Variants in PGBD2 observed in about 807,000 individuals in gnomAD.
The protein encoded by PGBD2 is piggyBac transposable element-derived protein 2.
A neutral mutation model predicts 8.1 loss-of-function variants in PGBD2; 6 were observed. The ratio of observed to expected loss-of-function variants is 0.74; its 90% CI spans 0.40 to 1.46. PGBD2 has a LOEUF of 1.46. Ranked by LOEUF, PGBD2 falls within the 40% of genes most tolerant of loss-of-function variation. The pLI is 0.02. For missense variants in PGBD2, 802 were observed against 739.0 expected (o/e 1.09, Z -0.99); for synonymous variants, 318 against 272.2 (o/e 1.17, Z -1.66).
At chr1:248,873,564 C>G in the PGBD2 span, among the ~76,000 whole-genome samples, 1 of 152,214 alleles carries the variant, frequency 6.6e-6, no homozygotes, top group Non-Finnish European at 1.5e-5. Flanking sequence ...GAGGCGGTAG[C>G]TCGAGCTTTG....
At chr1:248,873,845 G>A in the PGBD2 span, among the ~76,000 whole-genome samples, 20 of 152,226 alleles carry the variant, frequency 1.3e-4, no homozygotes, top group Admixed American at 2.0e-4. Context: ...GAAGCGCTCT[G>A]CTTCCGAGTG....
chr1:248,922,223 C>T (rs1662300340), downstream of PGBD2, among the ~76,000 whole-genome samples: 1 of 152,024 alleles, frequency 6.6e-6, no homozygotes, highest in Admixed American at 6.6e-5. Context: ...CCATGCCCAG[C>T]TAGTTTTTTG....
In PGBD2 at chr1:248,917,887, AGTC is replaced by A; in HGVS notation, c.1307_1309del (p.Arg436del). On this transcript the variant is annotated inframe_deletion, in exon 3 of 3. Coordinates refer to ENST00000329291, the MANE Select transcript of PGBD2 (RefSeq NM_170725.3). ...GGGCATAGAGCCAGTGAGGCTGACCAGTCGTCACTCTGGAGCAGCTAAAACGCG... is the reference window on the plus strand; with the variant it reads ...GGGCATAGAGCCAGTGAGGCTGACCAGTCACTCTGGAGCAGCTAAAACGCG... The A allele has an allele frequency of 6.2e-7, 1 of 1,614,250 alleles. No individual in the cohort carries two copies. Among genetic ancestry groups the A allele is most frequent in the Non-Finnish European group, 8.5e-7 (1 of 1,180,032 alleles).
the PGBD2 span, among the ~76,000 whole-genome samples, chr1:248,889,180 T>A: frequency 2.6e-5 from 4 of 151,824 alleles, no homozygotes; most frequent in African/African-American, 4.8e-5. Context: ...AGGTCAGGAG[T>A]TCGAGACCAG....
At chr1:248,903,531 C>T (rs1661568754), upstream of PGBD2, among the ~76,000 whole-genome samples, 1 of 152,194 alleles carries the variant, frequency 6.6e-6, no homozygotes, top group African/African-American at 2.4e-5. Context: ...CTTAATCATA[C>T]ATAGTGCGTC....
chr1:248,873,775 C>G, the PGBD2 span, among the ~76,000 whole-genome samples: 1 of 152,176 alleles, frequency 6.6e-6, no homozygotes, highest in African/African-American at 2.4e-5. Context: ...TTCCCACGGC[C>G]GCAACTCGGG....
Position 248,916,588 on chromosome 1 carries a change from T to G in PGBD2, c.18-14T>G. The G allele has an allele frequency of 6.2e-7, 1 of 1,611,168 alleles. No individual in the cohort carries two copies. The highest frequency in any genetic ancestry group is 1.7e-4 in the Middle Eastern group (1 of 6,054). ...GGCATGGCCTCTTCCTGATTCTGTT[T>G]CCTGTCATAACAGAGATGTCATTGC... On this transcript the variant is annotated splice_polypyrimidine_tract_variant and intron_variant, in intron 2 of 2. Transcript: ENST00000329291.
At chr1:248,883,577 T>TTTTTTTTC in the PGBD2 span, among the ~76,000 whole-genome samples, 5 of 140,376 alleles carry the variant, frequency 3.6e-5, no homozygotes, top group Admixed American at 1.4e-4. Context: ...TAGTTTCTTT[T>TTTTTTTTC]TTTTTTCTTT....
At chr1:248,888,723 G>A in the PGBD2 span, among the ~76,000 whole-genome samples, 1 of 152,078 alleles carries the variant, frequency 6.6e-6, no homozygotes, top group Non-Finnish European at 1.5e-5. Context: ...CTTTTTCTGT[G>A]CAGAAGCTCT....
At chr1:248,881,037 G>A in the PGBD2 span, among the ~76,000 whole-genome samples, 1 of 152,118 alleles carries the variant, frequency 6.6e-6, no homozygotes. Context: ...TGAACCCTGA[G>A]ACTGAGCAGT....
At chr1:248,905,896 A>C (rs1484437070), upstream of PGBD2, among the ~76,000 whole-genome samples, 2 of 152,218 alleles carry the variant, frequency 1.3e-5, no homozygotes, top group Non-Finnish European at 2.9e-5. Context: ...GTGGGGTCCC[A>C]AGATTTGCAT....
chr1:248,886,610 G>C, the PGBD2 span, among the ~76,000 whole-genome samples: 1 of 152,206 alleles, frequency 6.6e-6, no homozygotes, highest in Non-Finnish European at 1.5e-5. Flanking sequence ...CATTTTTGGA[G>C]TTTAAACTGC....
intron 1 of PGBD2, among the ~76,000 whole-genome samples, chr1:248,910,541 G>A (rs1298829451): frequency 6.6e-6 from 1 of 152,146 alleles, no homozygotes; most frequent in East Asian, 1.9e-4. Flanking sequence ...ACAGCTCATC[G>A]CTGGTGGCTC....
At chr1:248,873,012 T>C in the PGBD2 span, among the ~76,000 whole-genome samples, 2 of 151,934 alleles carry the variant, frequency 1.3e-5, no homozygotes, top group East Asian at 3.9e-4. Flanking sequence ...CCTCACACTC[T>C]GTACATGTGA....
chr1:248,906,434 C>A (rs937593468), intron 1 of PGBD2, 92 bp downstream of exon 1: 3 of 151,898 alleles, frequency 2.0e-5, no homozygotes, highest in African/African-American at 7.3e-5. Flanking sequence ...CGGCGGCATC[C>A]GAGGAGTTCG....
chr1:248,920,637 A>C (rs1228197528), downstream of PGBD2, among the ~76,000 whole-genome samples: 1 of 152,210 alleles, frequency 6.6e-6, no homozygotes, highest in African/African-American at 2.4e-5. Context: ...AGAATGATTT[A>C]TAATCCTTTG....
chr1:248,877,968 A>G, the PGBD2 span, among the ~76,000 whole-genome samples: 3 of 152,346 alleles, frequency 2.0e-5, no homozygotes, highest in Admixed American at 6.5e-5. Context: ...ACAGTGTAGC[A>G]CCAATATTGC....
chr1:248,873,211 G>A, the PGBD2 span, among the ~76,000 whole-genome samples: 1 of 151,988 alleles, frequency 6.6e-6, no homozygotes, highest in Admixed American at 6.6e-5. Context: ...TCTGCACTGC[G>A]AGTCCCGGGC....
chr1:248,903,562 G>A (rs138065662), upstream of PGBD2, among the ~76,000 whole-genome samples: 328 of 152,216 alleles, frequency 2.2e-3, no homozygotes, highest in African/African-American at 7.6e-3. Flanking sequence ...AATTGTCATC[G>A]GAATGCATGC....
Sources: allele counts gnomAD v4.1 joint callset (sites outside exome capture counted in the v4.1 genomes callset), GRCh38; gene constraint gnomAD v4.1.1; transcripts MANE v1.5; gene names NCBI Gene and HGNC (gene_info 2026-07-23, HGNC 2026-07-21).